Variants in ARHGAP44 observed in about 807,000 individuals in gnomAD.
ARHGAP44 encodes rho GTPase-activating protein 44.
A neutral mutation model predicts 106.8 loss-of-function variants in ARHGAP44; 43 were observed. That is an observed-to-expected ratio of 0.40 (90% confidence interval 0.32 to 0.52). The LOEUF (loss-of-function observed/expected upper bound fraction) is 0.52. ARHGAP44 is among the 20% of genes least tolerant of loss of function. ARHGAP44 has a pLI of 0.48. For missense variants in ARHGAP44, 866 were observed against 1,050.5 expected (o/e 0.82, Z 2.43); for synonymous variants, 439 against 410.3 (o/e 1.07, Z -0.85).
Position 12,868,585 on chromosome 17 carries a change from TGC to T in ARHGAP44, c.54-26354_54-26353del, listed in dbSNP as rs1333969625. Among the ~76,000 whole-genome samples, 24 of 77,584 alleles carry T rather than the reference TGC, an allele frequency of 3.1e-4. 2 individuals carry two copies. Among genetic ancestry groups the T allele is most frequent in the Admixed American group, 5.8e-4 (3 of 5,178 alleles). The allele number at this position is 77,584 out of a possible 152,430, so 50.9% of individuals were successfully genotyped here. ...AAAGTCATTTAAAAAGTCATATATATGCATTTTATATATATATATATATATAT... is the reference window on the plus strand; with the variant it reads ...AAAGTCATTTAAAAAGTCATATATATATTTTATATATATATATATATATAT... On this transcript the variant is annotated intron_variant, in intron 1 of 20. Coordinates refer to ENST00000379672, the MANE Select transcript of ARHGAP44 (RefSeq NM_014859.6).
chr17:12,920,412 T>C (rs1399391344), intron 6 of ARHGAP44, among the ~76,000 whole-genome samples: 3 of 151,020 alleles, frequency 2.0e-5, no homozygotes, highest in Non-Finnish European at 2.9e-5. Flanking sequence ...AGGGTAGTTT[T>C]GGAAGGCGAT....
intron 4 of ARHGAP44, among the ~76,000 whole-genome samples, chr17:12,910,110 C>T (rs542812212): frequency 1.3e-5 from 2 of 152,122 alleles, no homozygotes; most frequent in East Asian, 3.9e-4. Flanking sequence ...TATTTTCAGG[C>T]AGATTTGAAG....
chr17:12,825,643 C>T (rs1023769481), intron 1 of ARHGAP44, among the ~76,000 whole-genome samples: 1 of 151,982 alleles, frequency 6.6e-6, no homozygotes, highest in Non-Finnish European at 1.5e-5. Flanking sequence ...ATGAGGCCCA[C>T]CCACATTATT....
chr17:12,813,459 T>A (rs1400733772), intron 1 of ARHGAP44, among the ~76,000 whole-genome samples: 1 of 152,194 alleles, frequency 6.6e-6, no homozygotes, highest in South Asian at 2.1e-4. Context: ...GTGTTTGTTA[T>A]ATGTAATGTA....
chr17:12,956,090 CA>C, intron 14 of ARHGAP44, 110 bp downstream of exon 14: 1 of 726,156 alleles, frequency 1.4e-6, no homozygotes, highest in South Asian at 1.9e-5. Flanking sequence ...ATGTATTTTC[CA>C]AACCCTATTT....
chr17:12,807,119 G>A (rs898404436), intron 1 of ARHGAP44, among the ~76,000 whole-genome samples: 4 of 152,122 alleles, frequency 2.6e-5, no homozygotes, highest in Admixed American at 6.5e-5. Flanking sequence ...GAACCATGTC[G>A]TCTCAGCCTA....
chr17:12,986,996 G>T, intron 20 of ARHGAP44: 1 of 1,099,884 alleles, frequency 9.1e-7, no homozygotes, highest in Non-Finnish European at 1.3e-6. Flanking sequence ...GATGTGGCCC[G>T]TCTGGGACTG....
Position 12,896,487 on chromosome 17 carries a change from AG to A in ARHGAP44, c.178del (p.Ala60GlnfsTer12). 6.2e-7 allele frequency: 1 copy of A among 1,607,518 alleles called. No individual in the cohort carries two copies. The highest frequency in any genetic ancestry group is 8.5e-7 in the Non-Finnish European group (1 of 1,177,316). ...TCACCGCATGTCTGCAGGGCCAGCA[AG>A]GGGCAGAGGCTGACAAGCGCTCCGT... ...KLTACLQGQQ[G>X]AEADKRSKKL... On this transcript the variant is annotated frameshift_variant, in exon 3 of 21. Transcript: ENST00000379672. LOFTEE classifies it high-confidence loss of function.
intron 20 of ARHGAP44, chr17:12,987,800 A>C (rs2039997251): frequency 1.3e-5 from 2 of 152,226 alleles, no homozygotes; most frequent in African/African-American, 2.4e-5. Context: ...GGCCAGACAG[A>C]TCCTTTCTAT....
At chr17:12,796,999 A>T (rs943825156) in intron 1 of ARHGAP44, among the ~76,000 whole-genome samples, 1 of 152,014 alleles carries the variant, frequency 6.6e-6, no homozygotes, top group Non-Finnish European at 1.5e-5. Context: ...AGTCATGTTC[A>T]CAATTGTTTT....
chr17:12,814,913 T>C (rs558105778), intron 1 of ARHGAP44, among the ~76,000 whole-genome samples: 31 of 152,158 alleles, frequency 2.0e-4, no homozygotes, highest in Non-Finnish European at 3.7e-4. Flanking sequence ...GTGGTAAATA[T>C]TGCTGAATCA....
intron 4 of ARHGAP44, among the ~76,000 whole-genome samples, chr17:12,913,968 CA>C (rs58231055): frequency 0.17 from 10,950 of 63,016 alleles, 425 homozygotes; most frequent in African/African-American, 0.34. Context: ...GATTTTGTCT[CA>C]AAAAAAAAAA....
chr17:12,873,613 A>G (rs1359548243), intron 1 of ARHGAP44, among the ~76,000 whole-genome samples: 1 of 152,192 alleles, frequency 6.6e-6, no homozygotes, highest in Non-Finnish European at 1.5e-5. Flanking sequence ...GGCGCAAACC[A>G]CCAGCCAGGC....
chr17:12,850,570 A>T (rs1054949069), intron 1 of ARHGAP44, among the ~76,000 whole-genome samples: 3 of 151,442 alleles, frequency 2.0e-5, no homozygotes, highest in African/African-American at 4.9e-5. Flanking sequence ...CCACATCACC[A>T]TGGGGTGGAG....
At chr17:12,979,207 A>G (rs549170923) in intron 18 of ARHGAP44, among the ~76,000 whole-genome samples, 139 of 152,212 alleles carry the variant, frequency 9.1e-4, no homozygotes, top group Admixed American at 2.1e-3. Context: ...GTGGAGATCA[A>G]TTAGTAATAT....
At chr17:12,955,298 A>G (rs2039099626) in intron 13 of ARHGAP44, among the ~76,000 whole-genome samples, 1 of 152,140 alleles carries the variant, frequency 6.6e-6, no homozygotes, top group South Asian at 2.1e-4. Flanking sequence ...TTCGGCTATT[A>G]TTAATAATTA....
chr17:12,908,166 T>C (rs1159729460), intron 3 of ARHGAP44, among the ~76,000 whole-genome samples: 1 of 151,926 alleles, frequency 6.6e-6, no homozygotes, highest in Non-Finnish European at 1.5e-5. Context: ...TTTCTGTCTC[T>C]TTTTTGACCA....
chr17:12,897,902 G>A (rs1479094757), intron 3 of ARHGAP44, among the ~76,000 whole-genome samples: 1 of 151,988 alleles, frequency 6.6e-6, no homozygotes, highest in Non-Finnish European at 1.5e-5. Flanking sequence ...CTGGATTGGT[G>A]GAGTTTTCAT....
chr17:12,973,242 A>AT, intron 16 of ARHGAP44, 60 bp from the exon 17 acceptor site: 2 of 1,555,282 alleles, frequency 1.3e-6, no homozygotes, highest in Non-Finnish European at 1.8e-6. Context: ...GACAACCTTT[A>AT]TGTCCAAAGG....
Sources: gnomAD v4.1 joint callset for allele counts (sites outside exome capture counted in the v4.1 genomes callset) on GRCh38, gnomAD v4.1.1 for gene constraint, MANE v1.5 for transcripts, NCBI Gene and HGNC (gene_info 2026-07-23, HGNC 2026-07-21) for gene names.